The following DLGAP1 variants were observed in gnomAD, a reference collection of about 807,000 sequenced individuals.
DLGAP1 encodes DLG associated protein 1.
DLGAP1 carries 11 observed loss-of-function variants against 90.8 expected under a neutral mutation model. That is an observed-to-expected ratio of 0.12 (90% CI 0.08 to 0.20). The LOEUF is 0.20. DLGAP1 is among the 10% of genes least tolerant of loss of function. The pLI, the probability that DLGAP1 is intolerant of heterozygous loss-of-function variation, is 1.00. For synonymous variants in DLGAP1, 558 were observed against 540.7 expected (o/e 1.03, Z -0.44); for missense variants, 1,050 against 1,333.8 (o/e 0.79, Z 3.31).
At chr18:4,171,425 C>T (rs1963673) in intron 1 of DLGAP1, among the ~76,000 whole-genome samples, 27,362 of 151,638 alleles carry the variant, frequency 0.18, 3,099 homozygotes, top group Admixed American at 0.27. Context: ...ATCAGCCAGG[C>T]GAGGTGGCAG....
intron 3 of DLGAP1, among the ~76,000 whole-genome samples, chr18:3,922,494 T>G (rs1026542634): frequency 1.3e-5 from 2 of 152,228 alleles, no homozygotes; most frequent in African/African-American, 4.8e-5. Context: ...TCCCCATTGT[T>G]AACGGTTTTT....
At chr18:3,953,176 G>C (rs1229472087) in intron 3 of DLGAP1, among the ~76,000 whole-genome samples, 3 of 152,138 alleles carry the variant, frequency 2.0e-5, no homozygotes, top group African/African-American at 7.2e-5. Context: ...TTTCCAAAGG[G>C]AAAATATTTT....
At chr18:4,444,491 C>T (rs1264659648) in intron 1 of DLGAP1, among the ~76,000 whole-genome samples, 3 of 152,176 alleles carry the variant, frequency 2.0e-5, no homozygotes, top group Non-Finnish European at 2.9e-5. Flanking sequence ...ATACAGCCTA[C>T]ATGCAGTGCA....
At position 3,891,205 on chromosome 18, in the gene DLGAP1, C is replaced by T. The variant is rs951380033; in HGVS notation, c.-72-11065G>A. Among the ~76,000 whole-genome samples, 7 of 152,310 alleles carry T rather than the reference C, an allele frequency of 4.6e-5. No individual in the cohort carries two copies. The South Asian group carries it at 8.3e-4, about 18-fold the overall frequency. Reference sequence around the variant, plus strand: ...TGTTTCCTCAGCTCTGCCCTCTTCTCCCATTCCATCCATCCCTAGTGGTCT... The same window carrying T: ...TGTTTCCTCAGCTCTGCCCTCTTCTTCCATTCCATCCATCCCTAGTGGTCT... On this transcript the variant is annotated intron_variant, in intron 3 of 12. Transcript: ENST00000315677.
chr18:3,572,639 G>A (rs747877903), intron 8 of DLGAP1, among the ~76,000 whole-genome samples: 28 of 152,092 alleles, frequency 1.8e-4, no homozygotes, highest in Non-Finnish European at 3.5e-4. Flanking sequence ...TAGTAGAGAC[G>A]GGATTTTGCC....
intron 1 of DLGAP1, among the ~76,000 whole-genome samples, chr18:4,395,749 TC>T (rs200855094): frequency 1.3e-3 from 205 of 152,282 alleles, no homozygotes; most frequent in African/African-American, 4.6e-3. Context: ...ATAATAAAAC[TC>T]CTAATTTGTG....
intron 4 of DLGAP1, among the ~76,000 whole-genome samples, chr18:3,833,148 T>TCCTC (rs2068133928): frequency 1.4e-3 from 1 of 710 alleles, no homozygotes; most frequent in Non-Finnish European, 3.5e-3. Context: ...CTTCCTTCCT[T>TCCTC]CCTTCCTTCC....
chr18:3,810,911 T>A (rs2066799606), intron 5 of DLGAP1, among the ~76,000 whole-genome samples: 1 of 152,066 alleles, frequency 6.6e-6, no homozygotes, highest in African/African-American at 2.4e-5. Context: ...GTTCAAATGA[T>A]CCTCCCACCT....
At chr18:4,176,084 G>T (rs2077102526) in intron 1 of DLGAP1, among the ~76,000 whole-genome samples, 1 of 152,162 alleles carries the variant, frequency 6.6e-6, no homozygotes, top group Non-Finnish European at 1.5e-5. Context: ...CCACTTGTTG[G>T]TGTCCTCTCT....
At chr18:4,038,468 C>T (rs764711571) in intron 2 of DLGAP1, among the ~76,000 whole-genome samples, 1 of 152,000 alleles carries the variant, frequency 6.6e-6, no homozygotes, top group Non-Finnish European at 1.5e-5. Flanking sequence ...GAATGAAAAC[C>T]GCTTGCAGAT....
chr18:3,740,929 T>TCA (rs1352510080), intron 6 of DLGAP1, among the ~76,000 whole-genome samples: 3 of 106,668 alleles, frequency 2.8e-5, no homozygotes, highest in East Asian at 3.0e-4. Flanking sequence ...ACCACCATGG[T>TCA]CATCACCACC....
chr18:3,571,772 C>T (rs1315944258), intron 8 of DLGAP1, among the ~76,000 whole-genome samples: 3 of 152,138 alleles, frequency 2.0e-5, no homozygotes, highest in Non-Finnish European at 4.4e-5. Context: ...GTGATCCGCC[C>T]GCCTCGGCCT....
intron 1 of DLGAP1, among the ~76,000 whole-genome samples, chr18:4,278,017 G>T (rs545508130): frequency 6.6e-6 from 1 of 151,914 alleles, no homozygotes; most frequent in South Asian, 2.1e-4. Context: ...ACCATTGGAC[G>T]TGTTCAAATT....
rs757894947 is a variant in DLGAP1, at chr18:3,729,132, C to T, written c.1591+3G>A. The T allele has an allele frequency of 1.2e-6, 2 of 1,605,640 alleles. No individual in the cohort carries two copies. The highest frequency in any genetic ancestry group is 2.2e-5 in the East Asian group (1 of 44,702). On this transcript the variant is annotated splice_donor_region_variant and intron_variant, in intron 7 of 12. Coordinates refer to ENST00000315677, the MANE Select transcript of DLGAP1 (RefSeq NM_004746.4). The surrounding 1 kb of genome is among the most constrained non-coding windows in gnomAD (Gnocchi z 6.2). ...CAGGCTGGCTGAGGGCCCGCGCACT[C>T]ACCCGTGCTGCTCTGGATGGTCCTA...
At chr18:4,122,655 A>G (rs1204807212) in intron 2 of DLGAP1, among the ~76,000 whole-genome samples, 1 of 152,130 alleles carries the variant, frequency 6.6e-6, no homozygotes, top group East Asian at 1.9e-4. Context: ...ATTAGATGGT[A>G]AGAGACCATC....
chr18:4,081,820 T>C (rs763292371), intron 2 of DLGAP1, among the ~76,000 whole-genome samples: 1 of 152,196 alleles, frequency 6.6e-6, no homozygotes, highest in Non-Finnish European at 1.5e-5. Context: ...CCCAGGCCAT[T>C]GTATATTCTT....
chr18:4,289,367 G>A (rs2145495014), intron 1 of DLGAP1, among the ~76,000 whole-genome samples: 1 of 152,316 alleles, frequency 6.6e-6, no homozygotes, highest in South Asian at 2.1e-4. Flanking sequence ...CCAGAGATGA[G>A]CATGTGTTGG....
rs1487232490 is a variant in DLGAP1 at position 3,517,388 on chromosome 18, C to T, written c.2480-8727G>A. On this transcript the variant is annotated intron_variant, in intron 10 of 12. Transcript: ENST00000315677. This position sits in a 1 kb window ranked among gnomAD's most constrained non-coding sequence, Gnocchi z 4.1. ...AGATCTTCTGGATAACTTACTGCAG[C>T]TTCTCCATCATCACTAGGAATTCAC... Among the ~76,000 whole-genome samples the T allele has an allele frequency of 6.6e-6, 1 of 152,230 alleles. No homozygotes were observed. The highest frequency in any genetic ancestry group is 1.5e-5 in the Non-Finnish European group (1 of 68,036).
At position 3,768,295 on chromosome 18, in the gene DLGAP1, C is replaced by T. The variant is rs142657155; in HGVS notation, c.1173-25783G>A. Among the ~76,000 whole-genome samples the T allele has an allele frequency of 5.6e-3, 851 of 151,984 alleles. 7 individuals are homozygous for T. The highest frequency in any genetic ancestry group is 0.02 in the African/African-American group (826 of 41,438). On this transcript the variant is annotated intron_variant, in intron 5 of 12. Coordinates refer to ENST00000315677, the MANE Select transcript of DLGAP1 (RefSeq NM_004746.4). ...AGTACATGGCACTGATGAAATAAATCAAAGATGATTTTAATAAATGGAGAC... is the reference window on the plus strand; with the variant it reads ...AGTACATGGCACTGATGAAATAAATTAAAGATGATTTTAATAAATGGAGAC...
Sources: gnomAD v4.1 joint callset for allele counts (sites outside exome capture counted in the v4.1 genomes callset) on GRCh38, gnomAD v4.1.1 for gene constraint, Gnocchi (gnomAD v3.1) non-coding constraint, MANE v1.5 for transcripts, NCBI Gene and HGNC (gene_info 2026-07-23, HGNC 2026-07-21) for gene names.